CFAP47: variants seen among roughly 807,000 people sequenced by gnomAD.
CFAP47 encodes cilia- and flagella-associated protein 47.
CFAP47 carries 29 observed loss-of-function variants against 148.1 expected under a neutral mutation model. The ratio of observed to expected loss-of-function variants is 0.20; its 90% CI spans 0.15 to 0.27. The LOEUF (loss-of-function observed/expected upper bound fraction) is 0.27. Among genes scored for constraint, CFAP47 ranks in the 10% least tolerant of loss-of-function variants. CFAP47 has a pLI of 1.00. For synonymous variants in CFAP47, 664 were observed against 577.3 expected, an observed-to-expected ratio of 1.15 and a Z score of -2.15; for missense variants, 1,872 against 1,697.5, an observed-to-expected ratio of 1.10 and a Z score of -1.81.
chrX:36,285,962 A>G (rs782201447), intron 51 of CFAP47, among the ~76,000 whole-genome samples: 1 of 111,743 alleles, frequency 8.9e-6, no homozygotes, highest in Non-Finnish European at 1.9e-5. Context: ...TTAGCATTCT[A>G]TCTGTTTCAA....
intron 43 of CFAP47, among the ~76,000 whole-genome samples, 158 bp downstream of exon 43, chrX:36,200,651 G>GC (rs2146882088): frequency 8.9e-6 from 1 of 111,843 alleles, no homozygotes; most frequent in South Asian, 3.7e-4. Context: ...ATGAAATAGA[G>GC]CAGCACCATT....
intron 49 of CFAP47, among the ~76,000 whole-genome samples, chrX:36,258,579 T>C (rs185904130): frequency 8.9e-6 from 1 of 112,315 alleles, no homozygotes; most frequent in East Asian, 2.8e-4. Context: ...AAATGTAGTC[T>C]CAGTGTGAGT....
At chrX:36,103,501 GAAAAAAAAAAAAA>G (rs61501194) in intron 32 of CFAP47, among the ~76,000 whole-genome samples, 21 of 15,056 alleles carry the variant, frequency 1.4e-3, no homozygotes, top group African/African-American at 3.8e-3. Context: ...TCATATGCCA[GAAAAAAAAAAAAA>G]AAAAAAAAAA....
At chrX:36,292,519 A>G (rs1941203346) in intron 51 of CFAP47, among the ~76,000 whole-genome samples, 1 of 112,144 alleles carries the variant, frequency 8.9e-6, no homozygotes, top group African/African-American at 3.2e-5. Context: ...TAATCCTTTT[A>G]TAATGAACTT....
chrX:36,356,341 A>C (rs1415742552), intron 60 of CFAP47, among the ~76,000 whole-genome samples: 3 of 111,608 alleles, frequency 2.7e-5, no homozygotes, highest in African/African-American at 9.7e-5. Context: ...TAACTTGTGA[A>C]TCTTTTTTGT....
intron 30 of CFAP47, among the ~76,000 whole-genome samples, chrX:36,092,671 G>T (rs1938206883): frequency 9.2e-6 from 1 of 108,404 alleles, no homozygotes; most frequent in Admixed American, 9.8e-5. Context: ...GTATGTGCAT[G>T]AGATATTTTG....
At chrX:36,146,859 C>T (rs1486012551) in intron 36 of CFAP47, among the ~76,000 whole-genome samples, 1 of 105,666 alleles carries the variant, frequency 9.5e-6, no homozygotes, top group Non-Finnish European at 1.9e-5. Context: ...CGGCTCACTG[C>T]AACCTCTGCC....
At position 36,280,590 on chromosome X, in the gene CFAP47, A is replaced by G. The variant is rs1294342989; in HGVS notation, c.7548A>G (p.Ser2516=). The change falls in exon 50 of 64, where the codon TCA becomes TCG. Residue 2516 remains serine (S), a synonymous_variant. Coordinates refer to ENST00000378653, the MANE Select transcript of CFAP47 (RefSeq NM_001304548.2). ...DQDQALSCLD[S]ITEQSSILDD... is the part of the protein sequence containing the mutation. ...ATCAAGCCCTCTCCTGTCTTGATTC[A>G]ATAACAGAACAATCTAGCATTTTGG... 9.9e-6 allele frequency: 5 copies of G among 507,024 alleles called. No individual in the cohort carries two copies. Among genetic ancestry groups the G allele is most frequent in the Non-Finnish European group, 1.8e-5 (5 of 283,835 alleles). 41.8% of individuals were successfully genotyped at this position (507,024 alleles called of 1,213,427 possible).
chrX:36,254,361 T>A (rs1195611783), intron 49 of CFAP47, among the ~76,000 whole-genome samples: 1 of 111,476 alleles, frequency 9.0e-6, no homozygotes, highest in African/African-American at 3.3e-5. Context: ...CAGAGTGACA[T>A]ACAATTAGCA....
intron 1 of CFAP47, among the ~76,000 whole-genome samples, chrX:35,920,473 T>G (rs932905131): frequency 1.5e-4 from 17 of 112,030 alleles, no homozygotes; most frequent in African/African-American, 5.2e-4. Context: ...TTATTTCATA[T>G]TTTAACAAAC....
chrX:36,089,792 A>G (rs767596844), intron 30 of CFAP47, among the ~76,000 whole-genome samples: 21 of 112,231 alleles, frequency 1.9e-4, no homozygotes, highest in African/African-American at 6.1e-4. Context: ...AAGTTTGCCT[A>G]TATAACAAAC....
At chrX:36,111,343 G>C (rs183190403) in intron 33 of CFAP47, among the ~76,000 whole-genome samples, 121 of 111,970 alleles carry the variant, frequency 1.1e-3, no homozygotes, top group African/African-American at 3.8e-3. Context: ...AGCCATTTCT[G>C]CATCTATTAA....
intron 33 of CFAP47, among the ~76,000 whole-genome samples, chrX:36,126,555 A>T (rs774704372): frequency 8.9e-6 from 1 of 112,172 alleles, no homozygotes; most frequent in East Asian, 2.8e-4. Context: ...TGCAATAAAC[A>T]TACATGTGCA....
chrX:36,343,120 C>T (rs974025991), intron 57 of CFAP47, among the ~76,000 whole-genome samples: 23 of 111,639 alleles, frequency 2.1e-4, no homozygotes, highest in African/African-American at 6.2e-4. Context: ...GCTTCATCCA[C>T]GTCCCTGCAA....
chrX:36,249,068 C>A (rs1555997695), intron 48 of CFAP47, among the ~76,000 whole-genome samples: 1 of 108,096 alleles, frequency 9.3e-6, no homozygotes, highest in African/African-American at 3.4e-5. Flanking sequence ...GATGTGCATA[C>A]CTGTAGTAAA....
At chrX:35,979,735 A>G (rs1936617012) in intron 15 of CFAP47, among the ~76,000 whole-genome samples, 1 of 111,850 alleles carries the variant, frequency 8.9e-6, no homozygotes, top group South Asian at 3.7e-4. Context: ...AACAAAGAGC[A>G]ATAAATCTTA....
Position 36,301,143 on chromosome X carries a change from C to A in CFAP47, c.7934C>A (p.Pro2645Gln). 1 of 1,154,616 alleles carries A rather than the reference C, an allele frequency of 8.7e-7. No individual in the cohort carries two copies. The highest frequency in any genetic ancestry group is 1.2e-6 in the Non-Finnish European group (1 of 862,386). ...LLKLTIELPK[P>Q]TTMPEIQCDL... The stretch of plus-strand genomic sequence containing the variant: ...AAGTTAACTATTGAATTACCAAAAC[C>A]AACCACAATGCCAGAAATACAGTGC... The change falls in exon 53 of 64, where the codon CCA (proline) becomes CAA (glutamine). Residue 2645 changes from proline (P) to glutamine (Q), a missense_variant. Coordinates refer to ENST00000378653, the MANE Select transcript of CFAP47 (RefSeq NM_001304548.2).
chrX:35,923,955 ATG>A lies in CFAP47; in HGVS notation c.250-2060_250-2059del, dbSNP rs200026245. On this transcript the variant is annotated intron_variant, in intron 1 of 63. Coordinates refer to ENST00000378653, the MANE Select transcript of CFAP47 (RefSeq NM_001304548.2). ...TGTGTATATATGTACATGTGTATAT[ATG>A]TACATATATGTGTATGTATGTGTAT... is the stretch of plus-strand genomic sequence containing the variant. Among the ~76,000 whole-genome samples, 355 of 77,871 alleles carry A rather than the reference ATG, an allele frequency of 4.6e-3. 28 individuals carry two copies. Among genetic ancestry groups the A allele is most frequent in the African/African-American group, 0.018 (339 of 19,273 alleles). 67.6% of individuals were successfully genotyped at this position (77,871 alleles called of 115,157 possible). A position where few individuals can be genotyped will look rare whatever the true frequency, so the allele number is the denominator to read the frequency against.
At chrX:36,244,350 C>G (rs1361320760) in intron 48 of CFAP47, among the ~76,000 whole-genome samples, 7 of 110,163 alleles carry the variant, frequency 6.4e-5, no homozygotes, top group African/African-American at 2.3e-4. Flanking sequence ...CAGACCAACC[C>G]CAAAGCTAGT....
Sources: gnomAD v4.1 joint callset for allele counts (sites outside exome capture counted in the v4.1 genomes callset) on GRCh38, gnomAD v4.1.1 for gene constraint, MANE v1.5 for transcripts, NCBI Gene and HGNC (gene_info 2026-07-23, HGNC 2026-07-21) for gene names.